PRELID2: variants seen among roughly 807,000 people sequenced by gnomAD.
PRELID2 encodes PRELI domain-containing protein 2.
Under a neutral mutation model 28.4 loss-of-function variants are expected in PRELID2, and 25 were observed. The ratio of observed to expected loss-of-function variants is 0.88; its 90% CI spans 0.64 to 1.23. The LOEUF (loss-of-function observed/expected upper bound fraction) is 1.23, where lower values mean the gene tolerates loss of function less well. Among genes scored for constraint, PRELID2 ranks in the 50% most tolerant of loss-of-function variants. The probability of loss-of-function intolerance (pLI) is 0.00; values close to 1 mark genes in which losing one functional copy is unlikely to be tolerated. For missense variants in PRELID2, 201 were observed against 214.4 expected (o/e 0.94, Z 0.39); for synonymous variants, 76 against 71.6 (o/e 1.06, Z -0.31).
chr5:145,552,265 G>A (rs1752842372), intron 1 of PRELID2, among the ~76,000 whole-genome samples: 1 of 151,976 alleles, frequency 6.6e-6, no homozygotes, highest in Non-Finnish European at 1.5e-5. Context: ...CATCATCCAT[G>A]TGCTCTTTGC....
At chr5:145,511,770 A>G (rs1366982239) in intron 1 of PRELID2, among the ~76,000 whole-genome samples, 1 of 152,176 alleles carries the variant, frequency 6.6e-6, no homozygotes, top group African/African-American at 2.4e-5. Flanking sequence ...CTTTCTGAAG[A>G]CCACCTGGTA....
chr5:145,767,668 T>C (rs78985629), intron 5 of PRELID2, among the ~76,000 whole-genome samples: 2,324 of 152,300 alleles, frequency 0.015, 71 homozygotes, highest in African/African-American at 0.053. Context: ...TGCTCACCTG[T>C]GTGCTCCCCC....
intron 5 of PRELID2, among the ~76,000 whole-genome samples, chr5:145,776,150 A>G (rs73794428): frequency 0.024 from 3,674 of 152,280 alleles, 157 homozygotes; most frequent in African/African-American, 0.083. Flanking sequence ...GGAAAATTCC[A>G]GAAATAAAAA....
the PRELID2 span, among the ~76,000 whole-genome samples, chr5:145,344,289 A>G: frequency 2.0e-5 from 3 of 152,108 alleles, no homozygotes; most frequent in African/African-American, 7.2e-5. Context: ...AACAGATATC[A>G]GAAAGATAAC....
intron 1 of PRELID2, among the ~76,000 whole-genome samples, chr5:145,561,640 C>T (rs1752927017): frequency 6.6e-6 from 1 of 152,162 alleles, no homozygotes; most frequent in Non-Finnish European, 1.5e-5. Flanking sequence ...AAAGAGAGAG[C>T]ATTACCTAAA....
chr5:145,695,304 A>C (rs1755235787), intron 1 of PRELID2, among the ~76,000 whole-genome samples: 1 of 152,196 alleles, frequency 6.6e-6, no homozygotes, highest in African/African-American at 2.4e-5. Flanking sequence ...AAGTACAGCA[A>C]AGAACGTGCG....
the PRELID2 span, among the ~76,000 whole-genome samples, chr5:145,431,026 T>G: frequency 0.011 from 1,553 of 147,740 alleles, 78 homozygotes; most frequent in African/African-American, 0.037. Context: ...TTTTTTTTTT[T>G]TTTTTTTTTT....
chr5:145,660,629 T>C (rs1261472456), intron 1 of PRELID2, among the ~76,000 whole-genome samples: 1 of 152,200 alleles, frequency 6.6e-6, no homozygotes, highest in Non-Finnish European at 1.5e-5. Context: ...ATCAGGCCTA[T>C]TGGTGCCAAT....
chr5:145,476,572 G>T (rs1189275437), intron 1 of PRELID2, among the ~76,000 whole-genome samples: 1 of 152,100 alleles, frequency 6.6e-6, no homozygotes, highest in Non-Finnish European at 1.5e-5. Context: ...CTGAACCCCG[G>T]AGGTGGAGGT....
the PRELID2 span, among the ~76,000 whole-genome samples, chr5:145,446,019 C>A: frequency 6.6e-6 from 1 of 151,740 alleles, no homozygotes; most frequent in Non-Finnish European, 1.5e-5. Context: ...TTAAACGATA[C>A]AAAATTATAG....
chr5:145,741,225 T>A (rs866530320), intron 1 of PRELID2, among the ~76,000 whole-genome samples: 1 of 47,938 alleles, frequency 2.1e-5, no homozygotes, highest in Non-Finnish European at 3.9e-5. Flanking sequence ...AAAATATATA[T>A]ATAATATATA....
chr5:145,717,145 C>T (rs949746258), intron 1 of PRELID2, among the ~76,000 whole-genome samples: 1 of 152,096 alleles, frequency 6.6e-6, no homozygotes, highest in African/African-American at 2.4e-5. Context: ...TTTAATAAAT[C>T]ATGCATAGCT....
the PRELID2 span, among the ~76,000 whole-genome samples, chr5:145,403,094 T>A: frequency 5.3e-5 from 8 of 152,200 alleles, no homozygotes; most frequent in African/African-American, 1.9e-4. Context: ...GGTAGAGCTT[T>A]CCTAGGGGAA....
the PRELID2 span, among the ~76,000 whole-genome samples, chr5:145,347,535 C>T: frequency 2.6e-5 from 4 of 152,042 alleles, no homozygotes; most frequent in African/African-American, 9.7e-5. Flanking sequence ...ACAAAGATTC[C>T]GGAGTTTAAA....
the PRELID2 span, among the ~76,000 whole-genome samples, chr5:145,458,414 A>G: frequency 3.3e-5 from 5 of 152,238 alleles, no homozygotes; most frequent in African/African-American, 1.2e-4. Flanking sequence ...TAGCTTAAAA[A>G]TAATGTAAAA....
intron 1 of PRELID2, among the ~76,000 whole-genome samples, chr5:145,717,425 G>A (rs1205450865): frequency 6.6e-6 from 1 of 152,034 alleles, no homozygotes; most frequent in African/African-American, 2.4e-5. Context: ...TGGTATGTGA[G>A]TTATGTTTCA....
chr5:145,346,763 G>A, the PRELID2 span, among the ~76,000 whole-genome samples: 1 of 152,118 alleles, frequency 6.6e-6, no homozygotes, highest in Non-Finnish European at 1.5e-5. Flanking sequence ...GGAGAAAGAA[G>A]CTGATTTTAG....
chr5:145,764,649 T>C (rs1757636390), intron 6 of PRELID2, among the ~76,000 whole-genome samples: 1 of 152,196 alleles, frequency 6.6e-6, no homozygotes, highest in South Asian at 2.1e-4. Context: ...TCTTTACAAA[T>C]CTATAACACC....
intron 1 of PRELID2, among the ~76,000 whole-genome samples, chr5:145,679,544 C>A (rs1754891857): frequency 6.6e-6 from 1 of 152,114 alleles, no homozygotes; most frequent in African/African-American, 2.4e-5. Context: ...AGGATACAGT[C>A]TTCCAAGGGG....
Sources: allele counts gnomAD v4.1 joint callset (sites outside exome capture counted in the v4.1 genomes callset), GRCh38; gene constraint gnomAD v4.1.1; transcripts MANE v1.5; gene names NCBI Gene and HGNC (gene_info 2026-07-23, HGNC 2026-07-21).